The following USP32 variants were observed in gnomAD, a reference collection of about 807,000 sequenced individuals.
USP32 encodes the protein ubiquitin carboxyl-terminal hydrolase 32.
In USP32, 59 loss-of-function variants were observed where a neutral mutation model predicts 204.8. The ratio of observed to expected loss-of-function variants is 0.29; its 90% CI spans 0.23 to 0.36. USP32 has a LOEUF of 0.36. Ranked by LOEUF, USP32 falls within the 10% of genes least tolerant of loss-of-function variation. The pLI is 1.00. For synonymous variants in USP32, 517 were observed against 678.4 expected (o/e 0.76, Z 3.70); for missense variants, 1,160 against 1,946.4 (o/e 0.60, Z 7.60).
At chr17:60,415,473 A>C (rs921617362) in intron 1 of USP32, among the ~76,000 whole-genome samples, 2 of 152,218 alleles carry the variant, frequency 1.3e-5, no homozygotes, top group African/African-American at 4.8e-5. Flanking sequence ...GAGAAGGTCC[A>C]CAAGCTTAGG....
chr17:60,312,083 T>G (rs1279440111), intron 2 of USP32, among the ~76,000 whole-genome samples: 1 of 152,216 alleles, frequency 6.6e-6, no homozygotes, highest in Admixed American at 6.5e-5. Context: ...AGCAAATCAC[T>G]TAACTTTCTG....
Position 60,178,175 on chromosome 17 carries a change from C to T in USP32, c.*1080G>A, listed in dbSNP as rs555375889. On this transcript the variant is annotated 3_prime_UTR_variant, in exon 34 of 34. Transcript: ENST00000300896. ...AAAACCACCAATTTCATTAAATACA[C>T]TTATGAACTCCTAATGTCTGGGATG... Among the ~76,000 whole-genome samples the T allele has an allele frequency of 1.3e-5, 2 of 152,306 alleles. No homozygotes were observed. The highest frequency in any genetic ancestry group is 2.1e-4 in the South Asian group (1 of 4,830).
intron 12 of USP32, among the ~76,000 whole-genome samples, chr17:60,233,702 G>A (rs141534752): frequency 1.3e-5 from 2 of 152,194 alleles, no homozygotes; most frequent in African/African-American, 4.8e-5. Flanking sequence ...ATTAAAACAT[G>A]TTCAGAGGAT....
intron 1 of USP32, among the ~76,000 whole-genome samples, chr17:60,350,895 ATTTTT>A (rs879406912): frequency 1.3e-5 from 2 of 148,992 alleles, no homozygotes; most frequent in Non-Finnish European, 3.0e-5. Flanking sequence ...AAGCTATTGA[ATTTTT>A]TTTTTTAACT....
intron 1 of USP32, among the ~76,000 whole-genome samples, chr17:60,355,887 T>TA (rs58715953): frequency 0.032 from 1,645 of 51,472 alleles, 56 homozygotes; most frequent in Non-Finnish European, 0.043. Flanking sequence ...TGAACCTCTG[T>TA]AAAAAAAAAA....
At chr17:60,388,391 T>TA (rs1335644275) in intron 1 of USP32, among the ~76,000 whole-genome samples, 1 of 150,710 alleles carries the variant, frequency 6.6e-6, no homozygotes. Flanking sequence ...ACAGAAGAAT[T>TA]AAAAAACTGG....
intron 5 of USP32, among the ~76,000 whole-genome samples, chr17:60,284,252 C>T (rs1336155144): frequency 2.1e-5 from 3 of 144,814 alleles, no homozygotes; most frequent in Non-Finnish European, 4.5e-5. Context: ...CTCGCCCTGT[C>T]GCCCAGGCTG....
chr17:60,352,938 A>C (rs987718323), intron 1 of USP32, among the ~76,000 whole-genome samples: 14 of 152,230 alleles, frequency 9.2e-5, no homozygotes, highest in African/African-American at 3.4e-4. Flanking sequence ...TGATGATTTC[A>C]AAGTGTCTGC....
intron 30 of USP32, among the ~76,000 whole-genome samples, chr17:60,183,695 G>A (rs986935424): frequency 7.9e-5 from 12 of 152,332 alleles, no homozygotes; most frequent in Middle Eastern, 3.4e-3. Context: ...ACGTGACTGC[G>A]CAGTGGGTAC....
chr17:60,296,777 C>T (rs950847746), intron 3 of USP32, among the ~76,000 whole-genome samples: 8 of 152,120 alleles, frequency 5.3e-5, no homozygotes, highest in African/African-American at 1.9e-4. Context: ...TCTGCAGGTG[C>T]TCAAGCCTCA....
At chr17:60,350,870 C>A (rs1000257805) in intron 1 of USP32, among the ~76,000 whole-genome samples, 2 of 152,064 alleles carry the variant, frequency 1.3e-5, no homozygotes, top group Non-Finnish European at 2.9e-5. Context: ...TAACGAAAAA[C>A]CACCTGTACC....
chr17:60,392,840 G>C (rs551859227), upstream of USP32, among the ~76,000 whole-genome samples: 11 of 152,240 alleles, frequency 7.2e-5, no homozygotes, highest in Middle Eastern at 3.4e-3. Flanking sequence ...TTCTCCTCCT[G>C]ACCATGCCTC....
At chr17:60,204,738 G>C (rs1285776868) in intron 26 of USP32, among the ~76,000 whole-genome samples, 1 of 151,852 alleles carries the variant, frequency 6.6e-6, no homozygotes, top group Non-Finnish European at 1.5e-5. Context: ...CAAAGTGCTG[G>C]GAGTATAGAT....
intron 1 of USP32, among the ~76,000 whole-genome samples, chr17:60,407,896 G>C (rs913581980): frequency 2.0e-5 from 3 of 151,468 alleles, no homozygotes; most frequent in Non-Finnish European, 2.9e-5. Context: ...TCAGGAGTTC[G>C]AGACCAGCCT....
chr17:60,233,257 G>T (rs571227994), intron 12 of USP32, among the ~76,000 whole-genome samples: 7 of 152,274 alleles, frequency 4.6e-5, no homozygotes, highest in African/African-American at 1.7e-4. Context: ...CTTGAGCCCA[G>T]GAGTTCGAGA....
chr17:60,292,073 G>A (rs950205151), intron 4 of USP32, among the ~76,000 whole-genome samples: 23 of 151,806 alleles, frequency 1.5e-4, no homozygotes, highest in Non-Finnish European at 3.1e-4. Context: ...AGTGATCAAA[G>A]GTCAACTCAC....
At chr17:60,421,679 G>C in intron 1 of USP32, 1 of 866,270 alleles carries the variant, frequency 1.2e-6, no homozygotes, top group Non-Finnish European at 1.4e-6. Flanking sequence ...AGGGGCGAGG[G>C]TCCCGGGGCC....
At chr17:60,331,917 C>A (rs1373700640) in intron 2 of USP32, among the ~76,000 whole-genome samples, 1 of 146,400 alleles carries the variant, frequency 6.8e-6, no homozygotes, top group African/African-American at 2.5e-5. Context: ...ATAAAATAAA[C>A]TTTAATATTA....
intron 2 of USP32, among the ~76,000 whole-genome samples, chr17:60,323,989 G>A (rs2145946955): frequency 6.6e-6 from 1 of 152,240 alleles, no homozygotes; most frequent in African/African-American, 2.4e-5. Flanking sequence ...TTTTTTAAAA[G>A]CATAAACCAG....
Sources: allele counts gnomAD v4.1 joint callset (sites outside exome capture counted in the v4.1 genomes callset), GRCh38; gene constraint gnomAD v4.1.1; transcripts MANE v1.5; gene names NCBI Gene and HGNC (gene_info 2026-07-23, HGNC 2026-07-21).